The following MEIS1 variants were observed in gnomAD, a reference collection of about 807,000 sequenced individuals.
The protein encoded by MEIS1 is Meis homeobox 1.
Under a neutral mutation model 50.8 loss-of-function variants are expected in MEIS1, and 5 were observed. The ratio of observed to expected loss-of-function variants is 0.10; its 90% CI spans 0.05 to 0.21. The LOEUF (loss-of-function observed/expected upper bound fraction) is 0.21, where lower values mean the gene tolerates loss of function less well. Among genes scored for constraint, MEIS1 ranks in the 10% least tolerant of loss-of-function variants. The pLI is 1.00. For synonymous variants in MEIS1, 176 were observed against 179.3 expected, an observed-to-expected ratio of 0.98 and a Z score of 0.15; for missense variants, 318 against 517.3, an observed-to-expected ratio of 0.61 and a Z score of 3.74.
chr2:66,439,494 A>C, intron 2 of MEIS1: 1 of 1,441,130 alleles, frequency 6.9e-7, no homozygotes, highest in Non-Finnish European at 9.1e-7. Context: ...CTGGATGTGC[A>C]GTGGAGGGGA....
rs116249438 is a variant in MEIS1 at position 66,491,644 on chromosome 2, G to C, written c.743-20505G>C. Among the ~76,000 whole-genome samples, 593 of 152,256 alleles carry C rather than the reference G, an allele frequency of 3.9e-3. 5 individuals carry two copies. Among genetic ancestry groups the C allele is most frequent in the African/African-American group, 0.013 (550 of 41,544 alleles). The stretch of plus-strand genomic sequence containing the variant: ...GTCTGTTTTGCATTTAAAAAAATTA[G>C]TGTATGTTTTCAGAATCAATCTATC... On this transcript the variant is annotated intron_variant, in intron 7 of 12. Transcript: ENST00000272369.
intron 8 of MEIS1, among the ~76,000 whole-genome samples, chr2:66,518,249 ACT>A (rs1308673714): frequency 1.3e-5 from 2 of 152,114 alleles, no homozygotes; most frequent in African/African-American, 2.4e-5. Flanking sequence ...TCTGTCTGAG[ACT>A]CTATGTTACT....
chr2:66,565,958 C>A (rs1012849353), intron 9 of MEIS1, among the ~76,000 whole-genome samples: 1 of 152,112 alleles, frequency 6.6e-6, no homozygotes, highest in Non-Finnish European at 1.5e-5. Flanking sequence ...GTTTGTGCTA[C>A]ACCTGTGCTT....
At chr2:66,474,125 G>T (rs749053144) in intron 7 of MEIS1, among the ~76,000 whole-genome samples, 6 of 151,806 alleles carry the variant, frequency 4.0e-5, no homozygotes, top group Non-Finnish European at 7.4e-5. Context: ...TCCTCAGTTG[G>T]TTGAATACGT....
At chr2:66,561,819 A>G (rs1042553971) in intron 9 of MEIS1, among the ~76,000 whole-genome samples, 1 of 151,796 alleles carries the variant, frequency 6.6e-6, no homozygotes, top group African/African-American at 2.4e-5. Context: ...ACTTACGCCT[A>G]GTTGGCAAGA....
intron 7 of MEIS1, among the ~76,000 whole-genome samples, chr2:66,475,491 G>A (rs1199930945): frequency 1.3e-5 from 2 of 151,640 alleles, no homozygotes; most frequent in African/African-American, 4.8e-5. Context: ...TAAACAAAAA[G>A]CCAAGAAATA....
At chr2:66,518,423 G>A (rs927012717) in intron 8 of MEIS1, among the ~76,000 whole-genome samples, 44 of 152,090 alleles carry the variant, frequency 2.9e-4, no homozygotes, top group African/African-American at 8.5e-4. Context: ...ACAGATACAC[G>A]ATAGTTTGGT....
At chr2:66,569,259 A>T in intron 12 of MEIS1, 114 bp downstream of exon 12, 4 of 860,692 alleles carry the variant, frequency 4.6e-6, no homozygotes, top group Non-Finnish European at 7.1e-6. Flanking sequence ...TTTCCATTAA[A>T]CTCCTGGTTT....
intron 8 of MEIS1, among the ~76,000 whole-genome samples, chr2:66,539,260 A>G (rs1368801676): frequency 6.6e-6 from 1 of 152,234 alleles, no homozygotes; most frequent in African/African-American, 2.4e-5. Flanking sequence ...AGTGATGGGC[A>G]TGTGAGTTTC....
intron 7 of MEIS1, among the ~76,000 whole-genome samples, chr2:66,477,309 G>C (rs1465041045): frequency 1.3e-5 from 2 of 152,212 alleles, no homozygotes; most frequent in Non-Finnish European, 2.9e-5. Context: ...GACGCAGAGG[G>C]TAGTGGAGTG....
At chr2:66,463,064 T>C (rs1456829853) in intron 6 of MEIS1, among the ~76,000 whole-genome samples, 1 of 152,006 alleles carries the variant, frequency 6.6e-6, no homozygotes, top group Non-Finnish European at 1.5e-5. Context: ...AGGAACATAG[T>C]TTTCTAGAAA....
intron 7 of MEIS1, among the ~76,000 whole-genome samples, chr2:66,489,292 G>T (rs906772644): frequency 6.6e-6 from 1 of 152,206 alleles, no homozygotes; most frequent in African/African-American, 2.4e-5. Context: ...GTCTAAGAAG[G>T]TAATTGTGTC....
chr2:66,566,824 A>AAC lies in MEIS1; in HGVS notation c.966-629_966-628insAC, dbSNP rs3086713. On this transcript the variant is annotated intron_variant, in intron 9 of 12. Coordinates refer to ENST00000272369, the MANE Select transcript of MEIS1 (RefSeq NM_002398.3). ...TACATAAAGAGCAAAAAAAAAAAAAACAACAACAACAAAAAAAGCCACCCC... is the reference window on the plus strand; with the variant it reads ...TACATAAAGAGCAAAAAAAAAAAAAAACCAACAACAACAAAAAAAGCCACCCC... Among the ~76,000 whole-genome samples, 5 of 115,498 alleles carry AAC rather than the reference A, an allele frequency of 4.3e-5. No homozygotes were observed. The East Asian group carries it at 7.5e-4, about 17-fold the overall frequency. 75.8% of individuals were successfully genotyped at this position (115,498 alleles called of 152,430 possible).
chr2:66,435,899 A>T, intron 1 of MEIS1, 31 bp downstream of exon 1: 1 of 1,546,914 alleles, frequency 6.5e-7, no homozygotes, highest in Non-Finnish European at 8.7e-7. Context: ...GTGGAACTCA[A>T]ATGTGAGATT....
intron 6 of MEIS1, among the ~76,000 whole-genome samples, chr2:66,450,514 T>C (rs1032658140): frequency 6.6e-6 from 1 of 152,174 alleles, no homozygotes; most frequent in Non-Finnish European, 1.5e-5. Flanking sequence ...ATTAATAAGT[T>C]TACGAAGTGA....
chr2:66,568,518 G>GTCGC, intron 10 of MEIS1, 149 bp from the exon 11 acceptor site: 1 of 348,130 alleles, frequency 2.9e-6, no homozygotes, highest in Non-Finnish European at 5.0e-6. Context: ...TCTAGTCTGA[G>GTCGC]AGAAATTTCA....
intron 10 of MEIS1, chr2:66,567,784 T>A: frequency 2.0e-6 from 1 of 495,934 alleles, no homozygotes; most frequent in Non-Finnish European, 3.4e-6. Flanking sequence ...TTCAATATAT[T>A]AATGTTATTT....
chr2:66,537,577 C>T (rs1358768118), intron 8 of MEIS1, among the ~76,000 whole-genome samples: 1 of 152,202 alleles, frequency 6.6e-6, no homozygotes, highest in Non-Finnish European at 1.5e-5. Context: ...AAAAATATCT[C>T]CTCACCAAAT....
intron 9 of MEIS1, among the ~76,000 whole-genome samples, chr2:66,554,632 T>C (rs1675007156): frequency 6.6e-6 from 1 of 152,208 alleles, no homozygotes; most frequent in Non-Finnish European, 1.5e-5. Flanking sequence ...TGGTTTAAAA[T>C]GGACAAGTAG....
Sources: allele counts gnomAD v4.1 joint callset (sites outside exome capture counted in the v4.1 genomes callset), GRCh38; gene constraint gnomAD v4.1.1; transcripts MANE v1.5; gene names NCBI Gene and HGNC (gene_info 2026-07-23, HGNC 2026-07-21).